Variants in ROBO2 observed in about 807,000 individuals in gnomAD.
ROBO2 encodes roundabout homolog 2.
Under a neutral mutation model 160.8 loss-of-function variants are expected in ROBO2, and 53 were observed. That is an observed-to-expected ratio of 0.33 (90% confidence interval 0.26 to 0.41). The LOEUF is 0.41. Among genes scored for constraint, ROBO2 ranks in the 10% least tolerant of loss-of-function variants. The pLI is 1.00. For missense variants in ROBO2, 1,577 were observed against 1,722.4 expected (o/e 0.92, Z 1.49); for synonymous variants, 664 against 611.7 (o/e 1.09, Z -1.26).
At chr3:77,215,976 G>T (rs979625754) in intron 2 of ROBO2, among the ~76,000 whole-genome samples, 67 of 152,276 alleles carry the variant, frequency 4.4e-4, no homozygotes, top group African/African-American at 1.6e-3. Context: ...CGTGTGAGGT[G>T]TCAGTCTGCC....
chr3:76,099,662 A>G (rs2069600057), intron 2 of ROBO2, among the ~76,000 whole-genome samples: 1 of 152,176 alleles, frequency 6.6e-6, no homozygotes, highest in South Asian at 2.1e-4. Context: ...CTTGTGCCAA[A>G]AAAGTACATT....
At chr3:77,568,596 G>A (rs1464142962) in intron 13 of ROBO2, among the ~76,000 whole-genome samples, 162 bp downstream of exon 14, 1 of 151,948 alleles carries the variant, frequency 6.6e-6, no homozygotes, top group East Asian at 1.9e-4. Flanking sequence ...AAAGTTACTA[G>A]AATAACCATA....
intron 2 of ROBO2, among the ~76,000 whole-genome samples, chr3:76,940,271 T>G (rs545263941): frequency 6.6e-6 from 1 of 152,306 alleles, no homozygotes; most frequent in South Asian, 2.1e-4. Flanking sequence ...CGTGAGCCAC[T>G]GCGCCTCGCC....
At chr3:77,038,398 C>A (rs1045182580), upstream of ROBO2, among the ~76,000 whole-genome samples, 68 of 152,130 alleles carry the variant, frequency 4.5e-4, no homozygotes, top group Admixed American at 2.0e-4. Flanking sequence ...CCGAGGTGTC[C>A]TAATGTCTCT....
intron 2 of ROBO2, among the ~76,000 whole-genome samples, chr3:76,637,967 A>T (rs1385675343): frequency 6.6e-6 from 1 of 152,212 alleles, no homozygotes; most frequent in Non-Finnish European, 1.5e-5. Flanking sequence ...TTTAATTCAG[A>T]TGAATAGAAC....
At chr3:77,426,058 T>C (rs925348871) in intron 2 of ROBO2, among the ~76,000 whole-genome samples, 1 of 152,072 alleles carries the variant, frequency 6.6e-6, no homozygotes, top group African/African-American at 2.4e-5. Flanking sequence ...TTCCTGGGAT[T>C]ACTGTATTGA....
chr3:76,570,141 A>T (rs2108591011), intron 2 of ROBO2, among the ~76,000 whole-genome samples: 1 of 152,210 alleles, frequency 6.6e-6, no homozygotes, highest in East Asian at 1.9e-4. Context: ...CCCCAAAAAT[A>T]AAAAATAAAG....
At chr3:75,932,844 A>G (rs1947603803) in intron 1 of ROBO2, among the ~76,000 whole-genome samples, 1 of 152,204 alleles carries the variant, frequency 6.6e-6, no homozygotes, top group Admixed American at 6.5e-5. Flanking sequence ...TGTGCTCTTC[A>G]TTCTAAAGCA....
At chr3:76,323,810 T>A (rs1232224342) in intron 2 of ROBO2, among the ~76,000 whole-genome samples, 2 of 152,230 alleles carry the variant, frequency 1.3e-5, no homozygotes, top group African/African-American at 4.8e-5. Flanking sequence ...CTCCAGCACA[T>A]GCCTCCTTGT....
intron 2 of ROBO2, among the ~76,000 whole-genome samples, chr3:77,219,377 A>AGCATTCAAAAAT: frequency 1.4e-5 from 2 of 146,772 alleles, no homozygotes. Context: ...AAACTTATTA[A>AGCATTCAAAAAT]GCTTTATTTT....
chr3:76,336,786 C>T (rs2073918823), intron 2 of ROBO2, among the ~76,000 whole-genome samples: 1 of 122,570 alleles, frequency 8.2e-6, no homozygotes, highest in Non-Finnish European at 1.8e-5. Flanking sequence ...ATAAATATAT[C>T]ATATAAATAC....
intron 2 of ROBO2, among the ~76,000 whole-genome samples, chr3:76,812,808 C>T (rs756920527): frequency 2.0e-4 from 30 of 150,278 alleles, no homozygotes; most frequent in African/African-American, 4.4e-4. Context: ...AAATTAGTAA[C>T]GGAAGAAATT....
intron 2 of ROBO2, among the ~76,000 whole-genome samples, chr3:76,362,799 A>C (rs1025309163): frequency 6.6e-6 from 1 of 151,978 alleles, no homozygotes; most frequent in African/African-American, 2.4e-5. Flanking sequence ...ATGTAGCCAG[A>C]GTGAGGAAGC....
intron 2 of ROBO2, among the ~76,000 whole-genome samples, chr3:76,462,392 AC>A (rs2078134321): frequency 6.6e-6 from 1 of 151,434 alleles, no homozygotes; most frequent in African/African-American, 2.4e-5. Flanking sequence ...CAGTACATAT[AC>A]ACACACACAC....
intron 2 of ROBO2, among the ~76,000 whole-genome samples, chr3:76,452,124 T>C (rs2077504328): frequency 6.6e-6 from 1 of 152,152 alleles, no homozygotes; most frequent in South Asian, 2.1e-4. Flanking sequence ...TGTTATACTA[T>C]TAAACCTAAG....
chr3:76,769,046 G>T (rs993613464), intron 2 of ROBO2, among the ~76,000 whole-genome samples: 4 of 151,372 alleles, frequency 2.6e-5, no homozygotes, highest in Admixed American at 6.6e-5. Flanking sequence ...GCACATAATA[G>T]ATTTTTTCCC....
intron 2 of ROBO2, among the ~76,000 whole-genome samples, chr3:76,600,037 C>A (rs2087019539): frequency 6.6e-6 from 1 of 152,148 alleles, no homozygotes. Flanking sequence ...TGCAGATGAA[C>A]TTTCATTTAA....
At chr3:77,433,516 A>ATATATATATATATATATG (rs1375268081) in intron 2 of ROBO2, among the ~76,000 whole-genome samples, 2 of 125,752 alleles carry the variant, frequency 1.6e-5, no homozygotes, top group East Asian at 4.8e-4. Context: ...ATATATATAT[A>ATATATATATATATATATG]TATTTCTCCT....
At chr3:76,966,800 G>A (rs1461242479) in intron 2 of ROBO2, among the ~76,000 whole-genome samples, 6 of 152,184 alleles carry the variant, frequency 3.9e-5, no homozygotes, top group African/African-American at 7.2e-5. Flanking sequence ...CCGGTATACC[G>A]TAAGCATTCA....
Sources: gnomAD v4.1 joint callset for allele counts (sites outside exome capture counted in the v4.1 genomes callset) on GRCh38, gnomAD v4.1.1 for gene constraint, MANE v1.5 for transcripts, NCBI Gene and HGNC (gene_info 2026-07-23, HGNC 2026-07-21) for gene names.